BFSP2: variants seen among roughly 807,000 people sequenced by gnomAD.
BFSP2 encodes the protein beaded filament structural protein 2, also known as phakinin.
In BFSP2, 38 loss-of-function variants were observed where a neutral mutation model predicts 44.9. That is an observed-to-expected ratio of 0.85 (90% CI 0.65 to 1.11). The LOEUF (loss-of-function observed/expected upper bound fraction) is 1.11, where lower values mean the gene tolerates loss of function less well. BFSP2 is among the 50% of genes least tolerant of loss of function. BFSP2 has a pLI of 0.00. For missense variants in BFSP2, 525 were observed against 533.0 expected, an observed-to-expected ratio of 0.99 and a Z score of 0.15; for synonymous variants, 197 against 209.9, an observed-to-expected ratio of 0.94 and a Z score of 0.53.
In BFSP2 at chr3:133,423,815, T is replaced by C. The variant is rs149870536; in HGVS notation, c.489+23243T>C. Reference sequence around the variant, plus strand: ...TAGTCACTCAGCGGCAAAATGTTCTTTGTGTCAAGCCCTGGACTCCTATAA... The same window carrying C: ...TAGTCACTCAGCGGCAAAATGTTCTCTGTGTCAAGCCCTGGACTCCTATAA... On this transcript the variant is annotated intron_variant, in intron 1 of 6. Transcript: ENST00000302334. Among the ~76,000 whole-genome samples, 21 of 152,168 alleles carry C rather than the reference T, an allele frequency of 1.4e-4. No homozygotes were observed. In the East Asian group the frequency reaches 4.1e-3, roughly 29 times the overall value.
At chr3:133,459,152 C>A (rs2074039510) in intron 4 of BFSP2, among the ~76,000 whole-genome samples, 1 of 152,010 alleles carries the variant, frequency 6.6e-6, no homozygotes, top group Admixed American at 6.6e-5. Context: ...TCAGCCTGGG[C>A]AACATAGTAA....
In BFSP2 at chr3:133,466,904, A is replaced by G. The variant is rs1559984117; in HGVS notation, c.968A>G (p.Asn323Ser). ...LAAALRVELH[N>S]TSCQVQSLQA... is the part of the protein sequence containing the mutation. ...GCTGCCCTCAGGGTGGAGTTACACAACACTTCGTGCCAAGTCCAGAGCCTC... is the reference window on the plus strand; with the variant it reads ...GCTGCCCTCAGGGTGGAGTTACACAGCACTTCGTGCCAAGTCCAGAGCCTC... The change falls in exon 5 of 7, where the codon AAC becomes AGC. Residue 323 changes from asparagine to serine, a missense_variant. Asn to Ser is a conservative substitution (Grantham distance 46, BLOSUM62 1). Transcript: ENST00000302334. The G allele has an allele frequency of 6.2e-7, 1 of 1,614,052 alleles. No homozygotes were observed. Among genetic ancestry groups the G allele is most frequent in the Admixed American group, 1.7e-5 (1 of 59,998 alleles).
At chr3:133,466,619 G>T (rs2074111743) in intron 4 of BFSP2, among the ~76,000 whole-genome samples, 1 of 129,976 alleles carries the variant, frequency 7.7e-6, no homozygotes, top group Non-Finnish European at 1.6e-5. Flanking sequence ...AAGTTGTGGT[G>T]AGCTGAGATC....
At chr3:133,409,748 A>C (rs2107879634) in intron 1 of BFSP2, among the ~76,000 whole-genome samples, 1 of 152,330 alleles carries the variant, frequency 6.6e-6, no homozygotes, top group African/African-American at 2.4e-5. Flanking sequence ...GAATATTATC[A>C]GGGCTTCCAG....
chr3:133,473,652 T>C (rs1392162512), intron 6 of BFSP2, among the ~76,000 whole-genome samples: 2 of 150,984 alleles, frequency 1.3e-5, no homozygotes, highest in East Asian at 1.9e-4. Context: ...TAGGGAGTGG[T>C]GATGACTCTT....
chr3:133,463,686 C>G (rs2074084731), intron 4 of BFSP2, among the ~76,000 whole-genome samples: 1 of 152,204 alleles, frequency 6.6e-6, no homozygotes, highest in Non-Finnish European at 1.5e-5. Flanking sequence ...CTCCTGAGAT[C>G]TTATCAGGAA....
chr3:133,433,643 C>T (rs921144487), intron 1 of BFSP2, among the ~76,000 whole-genome samples: 3 of 152,228 alleles, frequency 2.0e-5, no homozygotes, highest in African/African-American at 7.2e-5. Flanking sequence ...TTCTGTCAGA[C>T]ATAATTCCTC....
intron 4 of BFSP2, among the ~76,000 whole-genome samples, chr3:133,458,694 T>TCAAAAAAACAAACAACAAA (rs1436949359): frequency 6.6e-6 from 1 of 152,004 alleles, no homozygotes; most frequent in East Asian, 1.9e-4. Flanking sequence ...AGACTTTGTC[T>TCAAAAAAACAAACAACAAA]CAAAAAAACA....
At chr3:133,424,022 G>A (rs1160381874) in intron 1 of BFSP2, among the ~76,000 whole-genome samples, 3 of 146,402 alleles carry the variant, frequency 2.0e-5, no homozygotes, top group Non-Finnish European at 4.5e-5. Flanking sequence ...CAGCTAGTCT[G>A]TTTCTATTCT....
chr3:133,430,905 G>A (rs199979904), intron 1 of BFSP2, among the ~76,000 whole-genome samples: 8 of 151,974 alleles, frequency 5.3e-5, no homozygotes, highest in Middle Eastern at 6.8e-3. Flanking sequence ...CACCTGGTCC[G>A]GCTTATGGTT....
At position 133,464,842 on chromosome 3, in the gene BFSP2, C is replaced by CA. The variant is rs199779023; in HGVS notation, c.892-1985dup. Among the ~76,000 whole-genome samples, 1,392 of 152,214 alleles carry CA rather than the reference C, an allele frequency of 9.1e-3. 11 individuals carry two copies. The highest frequency in any genetic ancestry group is 0.024 in the Middle Eastern group (7 of 294). On this transcript the variant is annotated intron_variant, in intron 4 of 6. Transcript: ENST00000302334. Reference sequence around the variant, plus strand: ...GAGAAGCTGAATGATGGCTTAGGGACACAAGCTGTTGGCTAACCAGTCAGA... The same window carrying CA: ...GAGAAGCTGAATGATGGCTTAGGGACAACAAGCTGTTGGCTAACCAGTCAGA...
chr3:133,429,899 T>TCC (rs1363055505), intron 1 of BFSP2, among the ~76,000 whole-genome samples: 1 of 151,388 alleles, frequency 6.6e-6, no homozygotes. Context: ...ATGCTATCCC[T>TCC]CCCCACTACC....
intron 1 of BFSP2, among the ~76,000 whole-genome samples, chr3:133,416,126 C>T (rs995790085): frequency 6.8e-6 from 1 of 146,264 alleles, no homozygotes; most frequent in Non-Finnish European, 1.5e-5. Flanking sequence ...CGTTCTCTCA[C>T]TCTACTCACC....
In BFSP2 at chr3:133,413,953, C is replaced by T. The variant is rs74847136; in HGVS notation, c.489+13381C>T. 4.3e-4 allele frequency among the ~76,000 whole-genome samples: 66 copies of T among 151,818 alleles called. No homozygotes were observed. In the East Asian group the frequency reaches 0.012, roughly 28 times the overall value. ...ATTATGCAGAAGACAAAGTCCCCTGCTGAATGTAACTGCCCACGCCTGCCT... is the reference window on the plus strand; with the variant it reads ...ATTATGCAGAAGACAAAGTCCCCTGTTGAATGTAACTGCCCACGCCTGCCT... On this transcript the variant is annotated intron_variant, in intron 1 of 6. Coordinates refer to ENST00000302334, the MANE Select transcript of BFSP2 (RefSeq NM_003571.4).
intron 4 of BFSP2, among the ~76,000 whole-genome samples, chr3:133,458,306 T>C (rs1186984767): frequency 6.6e-6 from 1 of 152,174 alleles, no homozygotes; most frequent in African/African-American, 2.4e-5. Flanking sequence ...ATAGGGAAAA[T>C]CAAGAATCAG....
intron 1 of BFSP2, among the ~76,000 whole-genome samples, chr3:133,425,790 G>GAAAGGGAAAGGGAAAGGGAAAGGGA (rs1553779092): frequency 5.0e-5 from 7 of 139,920 alleles, no homozygotes; most frequent in African/African-American, 2.0e-4. Flanking sequence ...AAAGGGAAGG[G>GAAAGGGAAAGGGAAAGGGAAAGGGA]AAGGGAAGGG....
intron 1 of BFSP2, among the ~76,000 whole-genome samples, chr3:133,416,733 T>TCTATGCACCC (rs2073535489): frequency 1.5e-5 from 1 of 64,538 alleles, no homozygotes; most frequent in African/African-American, 6.4e-5. Context: ...CTACTCACCC[T>TCTATGCACCC]TGCCCTCTCA....
intron 5 of BFSP2, among the ~76,000 whole-genome samples, chr3:133,467,305 G>A (rs1036141943): frequency 6.6e-6 from 1 of 152,142 alleles, no homozygotes; most frequent in Admixed American, 6.5e-5. Context: ...GCCCCCCAAG[G>A]CTCAGCCAGT....
chr3:133,460,150 G>T (rs2107934991), intron 4 of BFSP2, among the ~76,000 whole-genome samples: 1 of 152,312 alleles, frequency 6.6e-6, no homozygotes, highest in Non-Finnish European at 1.5e-5. Flanking sequence ...AGCAGAGCCA[G>T]CCAAGCTTTT....
Sources: allele counts gnomAD v4.1 joint callset (sites outside exome capture counted in the v4.1 genomes callset), GRCh38; gene constraint gnomAD v4.1.1; transcripts MANE v1.5; gene names NCBI Gene and HGNC (gene_info 2026-07-23, HGNC 2026-07-21).